The following XKR4 variants were observed in gnomAD, a reference collection of about 807,000 sequenced individuals.
The protein encoded by XKR4 is XK related 4.
A neutral mutation model predicts 53.9 loss-of-function variants in XKR4; 12 were observed. That is an observed-to-expected ratio of 0.22 (90% confidence interval 0.14 to 0.36). XKR4 has a LOEUF of 0.36. XKR4 is among the 10% of genes least tolerant of loss of function. The pLI is 1.00. For missense variants in XKR4, 799 were observed against 859.5 expected (o/e 0.93, Z 0.88); for synonymous variants, 354 against 362.4 (o/e 0.98, Z 0.26).
chr8:55,339,055 T>C (rs1486941842), intron 1 of XKR4, among the ~76,000 whole-genome samples: 2 of 152,246 alleles, frequency 1.3e-5, no homozygotes, highest in African/African-American at 2.4e-5. Context: ...CAACTGCATA[T>C]TGAGGGAACT....
chr8:55,368,519 A>G (rs1276575275), intron 2 of XKR4, among the ~76,000 whole-genome samples: 1 of 152,096 alleles, frequency 6.6e-6, no homozygotes, highest in Non-Finnish European at 1.5e-5. Flanking sequence ...CCAGGTCTTC[A>G]CATAGCTCAT....
intron 1 of XKR4, among the ~76,000 whole-genome samples, chr8:55,220,533 C>T (rs941681207): frequency 1.3e-5 from 2 of 152,336 alleles, no homozygotes; most frequent in East Asian, 1.9e-4. Context: ...AAGCCCACAG[C>T]TCCTGAGCCT....
rs539770488 is a variant in XKR4, at chr8:55,251,768, G to T, written c.807-105910G>T. On this transcript the variant is annotated intron_variant, in intron 1 of 2. Transcript: ENST00000327381. ...TCTTTTGAAATACAGTAATGAGATA[G>T]CATTCATTTTGCTTTATGACTCCGC... is the stretch of plus-strand genomic sequence containing the variant. 4.6e-5 allele frequency among the ~76,000 whole-genome samples: 7 copies of T among 152,140 alleles called. No homozygotes were observed. In the East Asian group the frequency reaches 1.3e-3, roughly 29 times the overall value.
intron 1 of XKR4, among the ~76,000 whole-genome samples, chr8:55,295,483 G>A (rs1819088658): frequency 6.6e-6 from 1 of 152,160 alleles, no homozygotes; most frequent in Non-Finnish European, 1.5e-5. Context: ...CTATGTGCTG[G>A]TAGCAGGGAC....
chr8:55,255,452 A>G (rs1024063364), intron 1 of XKR4, among the ~76,000 whole-genome samples: 6 of 152,152 alleles, frequency 3.9e-5, no homozygotes, highest in Non-Finnish European at 7.3e-5. Flanking sequence ...TTTTCATCCA[A>G]TTACCAAATT....
At chr8:55,317,681 G>C (rs1008341645) in intron 1 of XKR4, among the ~76,000 whole-genome samples, 1 of 152,178 alleles carries the variant, frequency 6.6e-6, no homozygotes, top group Non-Finnish European at 1.5e-5. Flanking sequence ...TCAGTATCTG[G>C]AGGTCACCCC....
chr8:55,467,970 T>G (rs1401015995), intron 2 of XKR4, among the ~76,000 whole-genome samples: 2 of 152,194 alleles, frequency 1.3e-5, no homozygotes, highest in Non-Finnish European at 1.5e-5. Context: ...GTAAAAATTT[T>G]TAACTTTCAT....
At chr8:55,231,794 C>T (rs1818044768) in intron 1 of XKR4, among the ~76,000 whole-genome samples, 1 of 152,140 alleles carries the variant, frequency 6.6e-6, no homozygotes, top group East Asian at 1.9e-4. Context: ...ATCCCTCCTG[C>T]AGAGTGGAAG....
chr8:55,103,790 A>G (rs1378793818), intron 1 of XKR4, among the ~76,000 whole-genome samples: 2 of 147,944 alleles, frequency 1.4e-5, no homozygotes, highest in Admixed American at 1.4e-4. Flanking sequence ...CCCACATATT[A>G]ATGATCACTG....
chr8:55,372,188 G>C (rs1014105554), intron 2 of XKR4, among the ~76,000 whole-genome samples: 1 of 152,218 alleles, frequency 6.6e-6, no homozygotes, highest in Non-Finnish European at 1.5e-5. Flanking sequence ...TCAATAAGGA[G>C]CTGTCTGCAA....
chr8:55,227,513 T>C (rs546237527), intron 1 of XKR4, among the ~76,000 whole-genome samples: 1 of 152,324 alleles, frequency 6.6e-6, no homozygotes, highest in East Asian at 1.9e-4. Flanking sequence ...ACCAACCAGT[T>C]GTGTCTGAGT....
At chr8:55,164,563 T>C (rs562964455) in intron 1 of XKR4, 9 of 401,102 alleles carry the variant, frequency 2.2e-5, no homozygotes, top group Non-Finnish European at 4.1e-5. Flanking sequence ...GTAGTGCTTA[T>C]GGGCAAAATG....
intron 1 of XKR4, among the ~76,000 whole-genome samples, chr8:55,123,003 T>C (rs922131703): frequency 2.0e-5 from 3 of 152,180 alleles, no homozygotes; most frequent in African/African-American, 7.2e-5. Flanking sequence ...CTGACATTTA[T>C]CTGTTGGCTT....
intron 1 of XKR4, among the ~76,000 whole-genome samples, chr8:55,182,772 G>A (rs1231501927): frequency 1.3e-5 from 2 of 151,938 alleles, no homozygotes; most frequent in Non-Finnish European, 2.9e-5. Context: ...GCTTGACTAT[G>A]CTAGACCTTT....
At chr8:55,403,092 A>G (rs554045967) in intron 2 of XKR4, among the ~76,000 whole-genome samples, 11 of 152,352 alleles carry the variant, frequency 7.2e-5, no homozygotes, top group Admixed American at 5.9e-4. Context: ...CCTAGACACC[A>G]TTCTGTCCCT....
chr8:55,289,646 A>AAAGAAAGAAAGGAAGGAAGGAAGG (rs1221597017), intron 1 of XKR4, among the ~76,000 whole-genome samples: 13 of 87,012 alleles, frequency 1.5e-4, no homozygotes, highest in African/African-American at 7.3e-4. Flanking sequence ...AGAAAGAAAG[A>AAAGAAAGAAAGGAAGGAAGGAAGG]AAGGAAGGAA....
At chr8:55,442,559 A>G in intron 2 of XKR4, among the ~76,000 whole-genome samples, 1 of 152,224 alleles carries the variant, frequency 6.6e-6, no homozygotes, top group East Asian at 1.9e-4. Flanking sequence ...ATAACAGCCA[A>G]AAATAGAAAA....
At chr8:55,417,796 C>T (rs1201798150) in intron 2 of XKR4, among the ~76,000 whole-genome samples, 2 of 152,150 alleles carry the variant, frequency 1.3e-5, no homozygotes, top group African/African-American at 2.4e-5. Context: ...AAGTACAGCA[C>T]TCTGGGGACC....
chr8:55,364,105 G>C (rs1169148852), intron 2 of XKR4, among the ~76,000 whole-genome samples: 1 of 152,180 alleles, frequency 6.6e-6, no homozygotes, highest in African/African-American at 2.4e-5. Context: ...AGCACTTCCA[G>C]CTCACCTGCT....
Sources: allele counts gnomAD v4.1 joint callset (sites outside exome capture counted in the v4.1 genomes callset), GRCh38; gene constraint gnomAD v4.1.1; transcripts MANE v1.5; gene names NCBI Gene and HGNC (gene_info 2026-07-23, HGNC 2026-07-21).